DCDC1: variants seen among roughly 807,000 people sequenced by gnomAD.
DCDC1 encodes the protein doublecortin domain-containing protein 1.
Under a neutral mutation model 178.3 loss-of-function variants are expected in DCDC1, and 200 were observed. The ratio of observed to expected loss-of-function variants is 1.12; its 90% confidence interval spans 1.00 to 1.26. The LOEUF (loss-of-function observed/expected upper bound fraction) is 1.26, where lower values mean the gene tolerates loss of function less well. Ranked by LOEUF, DCDC1 falls within the 50% of genes most tolerant of loss-of-function variation. DCDC1 has a pLI of 0.00. For synonymous variants in DCDC1, 690 were observed against 604.8 expected (o/e 1.14, Z -2.07); for missense variants, 1,983 against 1,749.2 (o/e 1.13, Z -2.38).
intron 8 of DCDC1, among the ~76,000 whole-genome samples, chr11:31,248,137 C>G (rs1266800514): frequency 6.6e-6 from 1 of 151,960 alleles, no homozygotes; most frequent in African/African-American, 2.4e-5. Context: ...ACAAATAAAT[C>G]TAACCTAAAA....
chr11:31,022,741 C>CGTGT (rs143601035), intron 20 of DCDC1, among the ~76,000 whole-genome samples: 3 of 127,484 alleles, frequency 2.4e-5, no homozygotes, highest in South Asian at 5.4e-4. Context: ...ATAAATTATT[C>CGTGT]GTGTGTGTGT....
At chr11:31,228,282 C>A (rs975616709) in intron 9 of DCDC1, among the ~76,000 whole-genome samples, 6 of 151,744 alleles carry the variant, frequency 4.0e-5, no homozygotes, top group Admixed American at 6.6e-5. Context: ...TACAGAAACC[C>A]AAAAATAATG....
At chr11:31,047,326 A>G (rs190599793) in intron 20 of DCDC1, among the ~76,000 whole-genome samples, 14 of 152,312 alleles carry the variant, frequency 9.2e-5, no homozygotes, top group Admixed American at 7.8e-4. Flanking sequence ...TTGTGTTGTC[A>G]TTGTTGAACA....
intron 17 of DCDC1, among the ~76,000 whole-genome samples, chr11:31,086,598 T>C (rs964490083): frequency 6.6e-6 from 1 of 152,180 alleles, no homozygotes; most frequent in Non-Finnish European, 1.5e-5. Flanking sequence ...ATGCTTTTGG[T>C]GTCATATCTG....
chr11:30,956,114 C>T (rs889561639), intron 20 of DCDC1, among the ~76,000 whole-genome samples: 2 of 152,154 alleles, frequency 1.3e-5, no homozygotes, highest in Non-Finnish European at 2.9e-5. Context: ...GAAAGTTTGT[C>T]CTGCATCTCA....
intron 21 of DCDC1, 72 bp from the exon 22 acceptor site, chr11:30,932,024 T>TA (rs1281751394): frequency 6.4e-6 from 9 of 1,409,296 alleles, no homozygotes; most frequent in Non-Finnish European, 8.4e-6. Flanking sequence ...TTAAAAATAT[T>TA]AAACACAGTT....
intron 1 of DCDC1, among the ~76,000 whole-genome samples, chr11:31,346,374 G>C (rs988057873): frequency 3.4e-5 from 5 of 145,846 alleles, no homozygotes; most frequent in African/African-American, 1.3e-4. Flanking sequence ...TGAGGCAGGA[G>C]AATTGCTTGA....
chr11:31,164,306 G>A (rs540851314), intron 9 of DCDC1, among the ~76,000 whole-genome samples: 58 of 152,108 alleles, frequency 3.8e-4, no homozygotes, highest in Non-Finnish European at 6.2e-4. Flanking sequence ...AAAAAGAAAC[G>A]AACCAAGCAA....
In DCDC1 at chr11:30,864,672, A is replaced by T. The variant is rs1159477026; in HGVS notation, c.*701T>A. On this transcript the variant is annotated 3_prime_UTR_variant, in exon 39 of 39. Transcript: ENST00000684477. ...GTGGGTAGAGCTCTGTCCCAAGTAA[A>T]TAAAACCAAGGGTGTTCCTGCCCTC... The T allele has an allele frequency of 6.6e-6, 1 of 152,164 alleles. No individual in the cohort carries two copies. The highest frequency in any genetic ancestry group is 1.5e-5 in the Non-Finnish European group (1 of 68,032). The allele number at this position is 152,164 out of a possible 1,614,324, so 9.4% of individuals were successfully genotyped here.
At chr11:30,872,154 C>T (rs1941641572) in intron 38 of DCDC1, among the ~76,000 whole-genome samples, 1 of 152,134 alleles carries the variant, frequency 6.6e-6, no homozygotes, top group African/African-American at 2.4e-5. Flanking sequence ...GTTAGTCCAA[C>T]ATTCTAGGCC....
Position 31,157,372 on chromosome 11 carries a change from A to ATATATATATAT in DCDC1, c.1222-19589_1222-19588insATATATATATA, listed in dbSNP as rs1555090400. 1.9e-4 allele frequency among the ~76,000 whole-genome samples: 18 copies of ATATATATATAT among 96,864 alleles called. 1 individual carries two copies. Among genetic ancestry groups the ATATATATATAT allele is most frequent in the African/African-American group, 5.1e-4 (15 of 29,206 alleles). The allele number at this position is 96,864 out of a possible 152,430, so 63.5% of individuals were successfully genotyped here. A position where few individuals can be genotyped will look rare whatever the true frequency, so the allele number is the denominator to read the frequency against. On this transcript the variant is annotated intron_variant, in intron 9 of 38. Coordinates refer to ENST00000684477, the MANE Select transcript of DCDC1 (RefSeq NM_001387274.1). ...CCCTTTCTCAAAAAAAAAAAAAAAA[A>ATATATATATAT]ATATATATATATATACATATATATA...
intron 11 of DCDC1, 97 bp from the exon 12 acceptor site, chr11:31,110,458 T>A (rs895080567): frequency 1.7e-6 from 1 of 585,596 alleles, no homozygotes. Flanking sequence ...GTCATCCTTT[T>A]TCATGGTACC....
rs377429860 is a variant in DCDC1 at position 30,874,089 on chromosome 11, C to T, written c.*40+4455G>A. Among the ~76,000 whole-genome samples, 184 of 152,302 alleles carry T rather than the reference C, an allele frequency of 1.2e-3. 4 individuals carry two copies. In the South Asian group the frequency reaches 0.037, roughly 31 times the overall value. On this transcript the variant is annotated intron_variant, in intron 38 of 38. Transcript: ENST00000684477. Reference sequence around the variant, plus strand: ...ATACTCACATACAAAGCAAATGTTTCATTGTCTTCATAGCCCCTGAATACA... The same window carrying T: ...ATACTCACATACAAAGCAAATGTTTTATTGTCTTCATAGCCCCTGAATACA...
chr11:30,982,085 CT>C (rs1246044287), intron 20 of DCDC1, among the ~76,000 whole-genome samples: 7 of 152,132 alleles, frequency 4.6e-5, no homozygotes, highest in Non-Finnish European at 7.4e-5. Flanking sequence ...AATTACATGT[CT>C]AAAAACTCAT....
rs1038648544 is a variant in DCDC1 at position 31,004,278 on chromosome 11, T to G, written c.2592-51710A>C. Among the ~76,000 whole-genome samples the G allele has an allele frequency of 3.3e-5, 5 of 152,292 alleles. 1 individual carries two copies. In the Middle Eastern group the frequency reaches 0.014, roughly 414 times the overall value. On this transcript the variant is annotated intron_variant, in intron 20 of 38. Coordinates refer to ENST00000684477, the MANE Select transcript of DCDC1 (RefSeq NM_001387274.1). The stretch of plus-strand genomic sequence containing the variant: ...AACACTTTTCAATTATTGGACAATT[T>G]ATGTTCAATGTATAGGACAGTAAAT...
At chr11:31,230,175 C>T (rs867853617) in intron 9 of DCDC1, among the ~76,000 whole-genome samples, 3 of 151,770 alleles carry the variant, frequency 2.0e-5, no homozygotes, top group African/African-American at 4.8e-5. Flanking sequence ...ACAAAATTAA[C>T]GCACAAAAAT....
At chr11:31,005,495 T>G (rs1951788989) in intron 20 of DCDC1, among the ~76,000 whole-genome samples, 1 of 152,222 alleles carries the variant, frequency 6.6e-6, no homozygotes. Flanking sequence ...AGCAATCCTT[T>G]CAGCCATTTC....
At position 30,863,688 on chromosome 11, in the gene DCDC1, C is replaced by T. The variant is rs1463985580; in HGVS notation, c.*1685G>A. The stretch of plus-strand genomic sequence containing the variant: ...AGAAAGTTAGAATCACTTCATCTGA[C>T]GCGTATTTAGAAATCATCCATTTGA... On this transcript the variant is annotated 3_prime_UTR_variant, in exon 39 of 39. Transcript: ENST00000684477. 4.6e-5 allele frequency: 7 copies of T among 152,174 alleles called. No homozygotes were observed. Among genetic ancestry groups the T allele is most frequent in the Non-Finnish European group, 8.8e-5 (6 of 68,036 alleles). The allele number at this position is 152,174 out of a possible 1,614,324, so 9.4% of individuals were successfully genotyped here.
At chr11:30,973,967 C>T (rs1949959476) in intron 20 of DCDC1, among the ~76,000 whole-genome samples, 1 of 152,052 alleles carries the variant, frequency 6.6e-6, no homozygotes, top group Admixed American at 6.6e-5. Flanking sequence ...GAACATTCTC[C>T]AGGATAGACC....
Sources: gnomAD v4.1 joint callset for allele counts (sites outside exome capture counted in the v4.1 genomes callset) on GRCh38, gnomAD v4.1.1 for gene constraint, MANE v1.5 for transcripts, NCBI Gene and HGNC (gene_info 2026-07-23, HGNC 2026-07-21) for gene names.